The following USP53 variants were observed in gnomAD, a reference collection of about 807,000 sequenced individuals.
USP53 encodes ubiquitin carboxyl-terminal hydrolase 53.
A neutral mutation model predicts 94.9 loss-of-function variants in USP53; 71 were observed. The ratio of observed to expected loss-of-function variants is 0.75; its 90% CI spans 0.62 to 0.91. USP53 has a LOEUF of 0.91. USP53 is among the 40% of genes least tolerant of loss of function. The pLI is 0.00. For missense variants in USP53, 1,173 were observed against 1,281.0 expected (o/e 0.92, Z 1.29); for synonymous variants, 375 against 422.7 (o/e 0.89, Z 1.39).
chr4:119,219,866 G>A (rs915322623), intron 3 of USP53: 8 of 152,130 alleles, frequency 5.3e-5, no homozygotes, highest in African/African-American at 1.7e-4. Flanking sequence ...TGCTGGTAAA[G>A]CACTGACTCA....
In USP53 at chr4:119,256,477, C is replaced by G. The variant is rs1453727812; in HGVS notation, c.523C>G (p.Leu175Val). 6.2e-7 allele frequency: 1 copy of G among 1,614,006 alleles called. No individual in the cohort carries two copies. Among genetic ancestry groups the G allele is most frequent in the African/African-American group, 1.3e-5 (1 of 74,928 alleles). Reference sequence around the variant, plus strand: ...TAGCTGTGGAGCATCGTCAGATCCTCTACCTTTTACAGAATTTGTGCGGTA... The same window carrying G: ...TAGCTGTGGAGCATCGTCAGATCCTGTACCTTTTACAGAATTTGTGCGGTA... ...CRSCGASSDPLPFTEFVRYIS... is the reference protein window; with the variant it reads ...CRSCGASSDPVPFTEFVRYIS... Residue 175 changes from leucine to valine, a missense_variant, in exon 9 of 19, where the codon CTA becomes GTA. Leu to Val is a conservative substitution (Grantham distance 32). Transcript: ENST00000692078.
intron 2 of USP53, among the ~76,000 whole-genome samples, chr4:119,214,687 G>C (rs1468772934): frequency 1.3e-5 from 2 of 149,612 alleles, no homozygotes; most frequent in African/African-American, 4.9e-5. Context: ...CTTTTATATT[G>C]TTTAATGTTA....
chr4:119,292,473 T>C lies in USP53; in HGVS notation c.2484T>C (p.Ser828=), dbSNP rs759052582. 2 of 1,614,054 alleles carry C rather than the reference T, an allele frequency of 1.2e-6. No homozygotes were observed. The highest frequency in any genetic ancestry group is 2.2e-5 in the South Asian group (2 of 91,072). ...AAAAACCGAATGAATGCAAATTTTC[T>C]GAGTGGCTTAATATAGAAAATTCTG... ...KLEKPNECKF[S]EWLNIENSER... The change falls in exon 19 of 19, where the codon TCT becomes TCC. Residue 828 remains serine, a synonymous_variant. Coordinates refer to ENST00000692078, the MANE Select transcript of USP53 (RefSeq NM_001371395.1).
At chr4:119,252,535 T>G (rs530419230) in intron 7 of USP53, among the ~76,000 whole-genome samples, 5 of 152,342 alleles carry the variant, frequency 3.3e-5, no homozygotes, top group Non-Finnish European at 5.9e-5. Flanking sequence ...GTATTTATAG[T>G]ATTCTGTGAT....
rs5861417 is a variant in USP53 at position 119,214,120 on chromosome 4, T to TAAAAAAAAAAAA, written c.-884_-873dup. 1 of 123,370 alleles carries TAAAAAAAAAAAA rather than the reference T, an allele frequency of 8.1e-6. No homozygotes were observed. The highest frequency in any genetic ancestry group is 1.8e-5 in the Non-Finnish European group (1 of 56,116). 7.6% of individuals were successfully genotyped at this position (123,370 alleles called of 1,614,324 possible). A position where few individuals can be genotyped will look rare whatever the true frequency, so the allele number is the denominator to read the frequency against. Reference sequence around the variant, plus strand: ...ACCCTTCGTCCTGTTAAAGATAAATTAAAAAAAAAAAAAAAAAACCAAAGG... The same window carrying TAAAAAAAAAAAA: ...ACCCTTCGTCCTGTTAAAGATAAATTAAAAAAAAAAAAAAAAAAAAAAAAAAAAAACCAAAGG... On this transcript the variant is annotated 5_prime_UTR_variant, in exon 2 of 19. Coordinates refer to ENST00000692078, the MANE Select transcript of USP53 (RefSeq NM_001371395.1).
Position 119,293,084 on chromosome 4 carries a change from C to G in USP53, c.3095C>G (p.Thr1032Arg), listed in dbSNP as rs999426483. Residue 1032 changes from threonine (T) to arginine (R), a missense_variant, in exon 19 of 19, where the codon ACA (threonine) becomes AGA (arginine). By Grantham distance (71) the Thr-to-Arg change is moderately conservative. Coordinates refer to ENST00000692078, the MANE Select transcript of USP53 (RefSeq NM_001371395.1). ...TCTATTTCTACCTGTCCAAATGAGA[C>G]AGTTTCATTAACTACCTATTTTTCA... ...LDSISTCPNE[T>R]VSLTTYFSVD... 2 of 1,613,946 alleles carry G rather than the reference C, an allele frequency of 1.2e-6. No homozygotes were observed. The highest frequency in any genetic ancestry group is 1.3e-5 in the African/African-American group (1 of 74,914).
intron 17 of USP53, among the ~76,000 whole-genome samples, chr4:119,284,064 G>A (rs1753811388): frequency 6.6e-6 from 1 of 151,776 alleles, no homozygotes. Context: ...AGAAAATATT[G>A]GAGATGGGGT....
At chr4:119,260,296 C>G (rs1437476691) in intron 10 of USP53, among the ~76,000 whole-genome samples, 1 of 151,982 alleles carries the variant, frequency 6.6e-6, no homozygotes, top group African/African-American at 2.4e-5. Context: ...CTTACTTTAA[C>G]AGATTTACAA....
In USP53 at chr4:119,271,344, C is replaced by T; in HGVS notation, c.1484C>T (p.Ala495Val). ...LSHFQSGSPP[A>V]PNGFKQHGNP... ...CATTTCCAATCTGGATCACCTCCTGCCCCAAATGGTTTTAAACAACATGGG... is the reference window on the plus strand; with the variant it reads ...CATTTCCAATCTGGATCACCTCCTGTCCCAAATGGTTTTAAACAACATGGG... Residue 495 changes from alanine to valine, a missense_variant, in exon 16 of 19, where the codon GCC becomes GTC. By Grantham distance (64) the Ala-to-Val change is moderately conservative (BLOSUM62 0). Coordinates refer to ENST00000692078, the MANE Select transcript of USP53 (RefSeq NM_001371395.1). 6.3e-7 allele frequency: 1 copy of T among 1,597,670 alleles called. No homozygotes were observed. The highest frequency in any genetic ancestry group is 8.5e-7 in the Non-Finnish European group (1 of 1,175,072).
Position 119,293,060 on chromosome 4 carries a change from C to CT in USP53, c.3072dup (p.Ile1025TyrfsTer7), listed in dbSNP as rs1287759569. On this transcript the variant is annotated frameshift_variant, in exon 19 of 19. Transcript: ENST00000692078. LOFTEE classifies it high-confidence loss of function. ...GCATTTTGCCAACCAGAACTAGACT[C>CT]TATTTCTACCTGTCCAAATGAGACA... 1 of 1,614,118 alleles carries CT rather than the reference C, an allele frequency of 6.2e-7. No homozygotes were observed. Among genetic ancestry groups the CT allele is most frequent in the African/African-American group, 1.3e-5 (1 of 75,050 alleles).
At chr4:119,267,527 A>G (rs974337417) in intron 13 of USP53, 45 bp downstream of exon 13, 1 of 1,572,884 alleles carries the variant, frequency 6.4e-7, no homozygotes, top group African/African-American at 1.4e-5. Flanking sequence ...CTATTATCAC[A>G]GTCAACTAGG....
At chr4:119,213,762 C>T (rs891940146) in intron 1 of USP53, among the ~76,000 whole-genome samples, 10 of 151,082 alleles carry the variant, frequency 6.6e-5, no homozygotes, top group African/African-American at 9.8e-5. Context: ...CCTGTAGTCC[C>T]AGCTACTCGG....
intron 14 of USP53, among the ~76,000 whole-genome samples, chr4:119,269,380 ATGAG>A (rs1194497295): frequency 6.6e-6 from 1 of 152,196 alleles, no homozygotes; most frequent in Non-Finnish European, 1.5e-5. Flanking sequence ...AAAGAAGTAA[ATGAG>A]TAAGACAACT....
chr4:119,290,574 C>T (rs184819719), intron 17 of USP53, among the ~76,000 whole-genome samples: 64 of 152,294 alleles, frequency 4.2e-4, no homozygotes, highest in African/African-American at 1.5e-3. Context: ...ATCCACTTCT[C>T]ACAACTTGAG....
At chr4:119,225,802 C>A (rs1473966996) in intron 3 of USP53, among the ~76,000 whole-genome samples, 1 of 151,580 alleles carries the variant, frequency 6.6e-6, no homozygotes, top group Non-Finnish European at 1.5e-5. Flanking sequence ...AAAGATATCA[C>A]AAGAAAACTA....
At chr4:119,287,914 A>T (rs1754301382) in intron 17 of USP53, among the ~76,000 whole-genome samples, 1 of 152,220 alleles carries the variant, frequency 6.6e-6, no homozygotes, top group Non-Finnish European at 1.5e-5. Flanking sequence ...TAGAATATAG[A>T]TTAGGTCACT....
At chr4:119,234,944 C>T (rs1208565230) in intron 3 of USP53, among the ~76,000 whole-genome samples, 2 of 152,204 alleles carry the variant, frequency 1.3e-5, no homozygotes, top group South Asian at 2.1e-4. Flanking sequence ...ATGCAGAACT[C>T]GTGGATATGG....
At chr4:119,224,698 C>A (rs1012426541) in intron 3 of USP53, among the ~76,000 whole-genome samples, 2 of 152,156 alleles carry the variant, frequency 1.3e-5, no homozygotes, top group Non-Finnish European at 2.9e-5. Context: ...GAACTGGGTA[C>A]AGGGAGAAAC....
Position 119,273,724 on chromosome 4 carries a change from G to A in USP53, c.2251+16G>A. On this transcript the variant is annotated intron_variant, in intron 17 of 18. Coordinates refer to ENST00000692078, the MANE Select transcript of USP53 (RefSeq NM_001371395.1). ...CACTTAGAAGGTAAAAAACTTATTT[G>A]AATATAATAGTTGCTGTAAAAAATG... The A allele has an allele frequency of 3.8e-6, 6 of 1,588,776 alleles. No individual in the cohort carries two copies. The highest frequency in any genetic ancestry group is 5.2e-6 in the Non-Finnish European group (6 of 1,161,986).
Sources: allele counts gnomAD v4.1 joint callset (sites outside exome capture counted in the v4.1 genomes callset), GRCh38; gene constraint gnomAD v4.1.1; transcripts MANE v1.5; gene names NCBI Gene and HGNC (gene_info 2026-07-23, HGNC 2026-07-21).